EPB41: variants seen among roughly 807,000 people sequenced by gnomAD.
EPB41 encodes erythrocyte membrane protein band 4.1.
EPB41 carries 65 observed loss-of-function variants against 108.0 expected under a neutral mutation model. That is an observed-to-expected ratio of 0.60 (90% CI 0.49 to 0.74). The LOEUF is 0.74. Among genes scored for constraint, EPB41 ranks in the 30% least tolerant of loss-of-function variants. The pLI is 0.00. For synonymous variants in EPB41, 336 were observed against 358.9 expected, an observed-to-expected ratio of 0.94 and a Z score of 0.72; for missense variants, 875 against 1,037.0, an observed-to-expected ratio of 0.84 and a Z score of 2.15.
intron 7 of EPB41, among the ~76,000 whole-genome samples, chr1:29,022,049 A>G (rs1046218309): frequency 6.6e-5 from 10 of 152,204 alleles, no homozygotes; most frequent in South Asian, 4.1e-4. Context: ...TTTCTGGTAA[A>G]AATTGGAATT....
intron 1 of EPB41, chr1:28,889,789 G>C (rs138304313): frequency 1.0e-6 from 1 of 985,072 alleles, no homozygotes; most frequent in Non-Finnish European, 1.2e-6. Context: ...ACCAAACCGA[G>C]CTTCATTCGG....
chr1:29,107,119 G>T (rs1667473292), intron 17 of EPB41, among the ~76,000 whole-genome samples: 1 of 151,798 alleles, frequency 6.6e-6, no homozygotes, highest in African/African-American at 2.4e-5. Context: ...GGAGGTGGAG[G>T]TTGCGGTGAG....
intron 16 of EPB41, among the ~76,000 whole-genome samples, chr1:29,066,537 T>G (rs1172828514): frequency 1.3e-5 from 2 of 152,242 alleles, no homozygotes; most frequent in Non-Finnish European, 2.9e-5. Flanking sequence ...CTTTAGTCAG[T>G]ACAAGTGAAA....
chr1:29,096,389 A>G (rs951972748), intron 16 of EPB41: 1 of 985,962 alleles, frequency 1.0e-6, no homozygotes, highest in Non-Finnish European at 1.2e-6. Context: ...GGAGATGCCA[A>G]GAGGCCCAAC....
intron 1 of EPB41, among the ~76,000 whole-genome samples, chr1:28,909,561 C>A (rs1324434628): frequency 2.0e-5 from 3 of 152,028 alleles, no homozygotes; most frequent in African/African-American, 7.2e-5. Context: ...TCTGTGAGGC[C>A]AAGGTGGGAG....
At chr1:29,053,044 T>G (rs1644794695) in intron 11 of EPB41, 60 bp from the exon 12 acceptor site, 1 of 1,581,698 alleles carries the variant, frequency 6.3e-7, no homozygotes, top group African/African-American at 1.3e-5. Context: ...CCTGGTGACT[T>G]TGAAATAATA....
At chr1:28,972,444 TAGA>T (rs931910595) in intron 1 of EPB41, among the ~76,000 whole-genome samples, 23 of 152,202 alleles carry the variant, frequency 1.5e-4, no homozygotes, top group Non-Finnish European at 3.1e-4. Flanking sequence ...TTCATCTTCT[TAGA>T]AGAAGATGAG....
At chr1:29,045,193 T>C (rs893739512) in intron 11 of EPB41, among the ~76,000 whole-genome samples, 2 of 152,268 alleles carry the variant, frequency 1.3e-5, no homozygotes, top group East Asian at 3.9e-4. Flanking sequence ...TTGGAGATAA[T>C]TGGTATTATA....
intron 7 of EPB41, among the ~76,000 whole-genome samples, chr1:29,022,002 A>G (rs950301079): frequency 6.6e-6 from 1 of 152,230 alleles, no homozygotes; most frequent in African/African-American, 2.4e-5. Flanking sequence ...TTAGGAAAGC[A>G]ACTGACAGTA....
intron 16 of EPB41, among the ~76,000 whole-genome samples, chr1:29,087,519 C>T (rs766138099): frequency 5.3e-5 from 8 of 152,132 alleles, no homozygotes; most frequent in Non-Finnish European, 1.0e-4. Context: ...TGCGCCACCA[C>T]ACCTGGCTAA....
In EPB41 at chr1:29,086,562, G is replaced by A. The variant is rs183762963; in HGVS notation, c.2185-11245G>A. ...GCTGGGATTACAGGCATGAGCCACC[G>A]CGCCCGGCCACCTTAAGATCCTTTT... On this transcript the variant is annotated intron_variant, in intron 16 of 20. Coordinates refer to ENST00000343067, the MANE Select transcript of EPB41 (RefSeq NM_001376013.1). Among the ~76,000 whole-genome samples, 28 of 152,084 alleles carry A rather than the reference G, an allele frequency of 1.8e-4. No individual in the cohort carries two copies. The East Asian group carries it at 4.8e-3, about 26-fold the overall frequency.
chr1:28,899,569 G>A (rs2091062462), intron 1 of EPB41, among the ~76,000 whole-genome samples: 1 of 152,148 alleles, frequency 6.6e-6, no homozygotes, highest in African/African-American at 2.4e-5. Context: ...GCTTAGGCTG[G>A]GGGGAAAGTG....
chr1:28,969,068 A>G (rs1188737490), intron 1 of EPB41, among the ~76,000 whole-genome samples: 1 of 148,722 alleles, frequency 6.7e-6, no homozygotes, highest in African/African-American at 2.5e-5. Flanking sequence ...ATCTTTGGAC[A>G]TGCAATCATG....
At chr1:28,954,605 A>G (rs563780490) in intron 1 of EPB41, among the ~76,000 whole-genome samples, 36 of 152,328 alleles carry the variant, frequency 2.4e-4, no homozygotes, top group Non-Finnish European at 4.4e-4. Context: ...GAAAGGCTCA[A>G]ACTTCACACA....
Position 29,119,134 on chromosome 1 carries a change from A to G in EPB41, c.*2322A>G, listed in dbSNP as rs559163039. ...CTCGGCTTCGTTGTCTGTAAATTGG[A>G]TGAAAAGAGCTCTAATGCCTTTCAG... is the stretch of plus-strand genomic sequence containing the variant. On this transcript the variant is annotated 3_prime_UTR_variant, in exon 21 of 21. Coordinates refer to ENST00000343067, the MANE Select transcript of EPB41 (RefSeq NM_001376013.1). 1 of 152,616 alleles carries G rather than the reference A, an allele frequency of 6.6e-6. No homozygotes were observed. The highest frequency in any genetic ancestry group is 2.1e-4 in the South Asian group (1 of 4,826). The allele number at this position is 152,616 out of a possible 1,614,324, so 9.5% of individuals were successfully genotyped here.
At chr1:29,106,067 C>T (rs1415114187) in intron 17 of EPB41, among the ~76,000 whole-genome samples, 1 of 152,022 alleles carries the variant, frequency 6.6e-6, no homozygotes, top group Non-Finnish European at 1.5e-5. Flanking sequence ...TTGTTGTGGG[C>T]GTTTCATTTA....
intron 15 of EPB41, among the ~76,000 whole-genome samples, chr1:29,062,834 C>A (rs1277376745): frequency 6.6e-6 from 1 of 152,096 alleles, no homozygotes; most frequent in Non-Finnish European, 1.5e-5. Context: ...CCTTTGAGAT[C>A]TTAATTTTAC....
rs1307395143 is a variant in EPB41 at position 29,035,849 on chromosome 1, C to G, written c.1389C>G (p.Ile463Met). 4 of 1,613,880 alleles carry G rather than the reference C, an allele frequency of 2.5e-6. No individual in the cohort carries two copies. The highest frequency in any genetic ancestry group is 3.4e-6 in the Non-Finnish European group (4 of 1,179,782). The part of the protein sequence containing the change: ...PGEQEQYEST[I>M]GFKLPSYRAA... ...AGCAAGAGCAGTATGAAAGTACCAT[C>G]GGATTCAAACTTCCCAGTTACCGAG... Residue 463 changes from isoleucine to methionine, a missense_variant, in exon 10 of 21, where the codon ATC becomes ATG. Around this residue, in one of 3 missense-constraint regions of EPB41, gnomAD observed 519 missense variants for 627.3 expected, o/e 0.83. Transcript: ENST00000343067.
At chr1:28,984,160 T>C (rs1377031333) in intron 1 of EPB41, among the ~76,000 whole-genome samples, 1 of 152,082 alleles carries the variant, frequency 6.6e-6, no homozygotes, top group African/African-American at 2.4e-5. Context: ...TTCTCCTCCC[T>C]CCCAGCTGAG....
Sources: gnomAD v4.1 joint callset for allele counts (sites outside exome capture counted in the v4.1 genomes callset) on GRCh38, gnomAD v4.1.1 for gene constraint, gnomAD v4.1.1 regional missense constraint, MANE v1.5 for transcripts, NCBI Gene and HGNC (gene_info 2026-07-23, HGNC 2026-07-21) for gene names.